The following MON2 variants were observed in gnomAD, a reference collection of about 807,000 sequenced individuals.
The protein encoded by MON2 is MON2 regulator of endosome-to-Golgi trafficking.
A neutral mutation model predicts 208.6 loss-of-function variants in MON2; 84 were observed. The observed-to-expected ratio is 0.40, with a 90% confidence interval of 0.34 to 0.48. The LOEUF (loss-of-function observed/expected upper bound fraction) is 0.48, where lower values mean the gene tolerates loss of function less well. Among genes scored for constraint, MON2 ranks in the 20% least tolerant of loss-of-function variants. The pLI, the probability that MON2 is intolerant of heterozygous loss-of-function variation, is 0.59. For missense variants in MON2, 1,611 were observed against 2,015.4 expected, an observed-to-expected ratio of 0.80 and a Z score of 3.84; for synonymous variants, 660 against 694.0, an observed-to-expected ratio of 0.95 and a Z score of 0.77.
chr12:62,494,079 TTGAATCAGAAG>T, intron 3 of MON2, 37 bp downstream of exon 3: 2 of 1,568,686 alleles, frequency 1.3e-6, no homozygotes, highest in Non-Finnish European at 1.7e-6. Context: ...CACCTAAGAG[TTGAATCAGAAG>T]TTTTCATGAA....
intron 12 of MON2, 41 bp from the exon 13 acceptor site, chr12:62,534,803 TC>T (rs1447558435): frequency 7.1e-7 from 1 of 1,405,884 alleles, no homozygotes; most frequent in Non-Finnish European, 1.0e-6. Context: ...TATTGTGCTA[TC>T]TATAATTAAA....
At chr12:62,550,553 G>C (rs1481700260) in intron 23 of MON2, among the ~76,000 whole-genome samples, 2 of 152,126 alleles carry the variant, frequency 1.3e-5, no homozygotes, top group East Asian at 3.9e-4. Context: ...TAAAAAGGCT[G>C]TTTTGTCTAC....
chr12:62,490,843 C>A (rs2136033461), intron 2 of MON2, among the ~76,000 whole-genome samples: 1 of 152,208 alleles, frequency 6.6e-6, no homozygotes, highest in Non-Finnish European at 1.5e-5. Context: ...AAATTAATTT[C>A]TATTACTATC....
At chr12:62,565,160 T>A in intron 26 of MON2, 77 bp from the exon 27 acceptor site, 1 of 1,408,846 alleles carries the variant, frequency 7.1e-7, no homozygotes, top group South Asian at 1.3e-5. Context: ...ATTCTGTGGT[T>A]AAACAAATAT....
Position 62,467,165 on chromosome 12 carries a change from C to T in MON2, c.-43C>T, listed in dbSNP as rs2068555460. ...CCCTAAGGAGCTGACCGTGCCAGAG[C>T]TTGTTTGTACCTCTCGGAAATTGGC... On this transcript the variant is annotated 5_prime_UTR_variant, in exon 1 of 35. Transcript: ENST00000393630. The T allele has an allele frequency of 1.9e-6, 3 of 1,558,840 alleles. No individual in the cohort carries two copies. In the Admixed American group the frequency reaches 5.0e-5, roughly 26 times the overall value.
chr12:62,516,290 G>A (rs1485308109), intron 8 of MON2, among the ~76,000 whole-genome samples: 1 of 152,102 alleles, frequency 6.6e-6, no homozygotes, highest in Non-Finnish European at 1.5e-5. Context: ...TGGTGGAGAT[G>A]GGGAGCAGGG....
chr12:62,539,317 G>A (rs1478307589), intron 19 of MON2, among the ~76,000 whole-genome samples: 1 of 150,944 alleles, frequency 6.6e-6, no homozygotes, highest in African/African-American at 2.4e-5. Flanking sequence ...GCCCAGGCTA[G>A]AGTGCAGTGG....
intron 32 of MON2, among the ~76,000 whole-genome samples, chr12:62,581,383 C>T (rs966551594): frequency 2.6e-5 from 4 of 152,124 alleles, no homozygotes; most frequent in Non-Finnish European, 5.9e-5. Context: ...GAGACTGCCT[C>T]TGTCTCTACA....
In MON2 at chr12:62,588,113, C is replaced by A; in HGVS notation, c.4947C>A (p.Val1649=). 6.3e-7 allele frequency: 1 copy of A among 1,584,110 alleles called. No homozygotes were observed. The highest frequency in any genetic ancestry group is 1.1e-5 in the South Asian group (1 of 89,638). ...AAATTATATTTGTTTTAAAAGCAGT[C>A]AGTACTCTTATTGATTCACTTAAGA... The part of the protein sequence containing the change: ...VTEIIFVLKA[V]STLIDSLKKT... The change falls in exon 34 of 35, where the codon GTC becomes GTA. Residue 1649 remains valine (V), a synonymous_variant. Transcript: ENST00000393630.
intron 2 of MON2, chr12:62,484,935 T>TTTTTTTTTTTTTTTTC (rs2069675267): frequency 8.8e-6 from 1 of 113,232 alleles, no homozygotes; most frequent in Non-Finnish European, 1.8e-5. Flanking sequence ...TTTTTTTTTT[T>TTTTTTTTTTTTTTTTC]AAGAATCTGT....
rs1215873506 is a variant in MON2 at position 62,587,688 on chromosome 12, G to A, written c.4908-386G>A. 3.3e-5 allele frequency among the ~76,000 whole-genome samples: 5 copies of A among 152,070 alleles called. No homozygotes were observed. The East Asian group carries it at 7.7e-4, about 23-fold the overall frequency. On this transcript the variant is annotated intron_variant, in intron 33 of 34. Transcript: ENST00000393630. ...GCGCAAGTCAAGGCTGCAGTGAGCT[G>A]TGATCTCACCATTGCACTCCAGTCT...
At chr12:62,486,470 G>C (rs1402775878) in intron 2 of MON2, among the ~76,000 whole-genome samples, 1 of 152,050 alleles carries the variant, frequency 6.6e-6, no homozygotes, top group African/African-American at 2.4e-5. Flanking sequence ...TAATAGTCAT[G>C]TTTTAATCTT....
intron 27 of MON2, 130 bp downstream of exon 27, chr12:62,565,510 C>G (rs2074347512): frequency 2.5e-6 from 2 of 805,038 alleles, no homozygotes; most frequent in Non-Finnish European, 3.8e-6. Flanking sequence ...TTATACATGT[C>G]TGTTAGCAGT....
chr12:62,566,111 GTA>G (rs759137616), intron 28 of MON2, 80 bp downstream of exon 28: 23 of 1,452,330 alleles, frequency 1.6e-5, no homozygotes, highest in Non-Finnish European at 2.1e-5. Flanking sequence ...GTAGAATGCT[GTA>G]TGTGCTTTTT....
In MON2 at chr12:62,530,227, ATT is replaced by A. The variant is rs144345618; in HGVS notation, c.1401-2191_1401-2190del. Among the ~76,000 whole-genome samples, 159 of 126,212 alleles carry A rather than the reference ATT, an allele frequency of 1.3e-3. 1 individual carries two copies. The highest frequency in any genetic ancestry group is 4.3e-3 in the African/African-American group (139 of 32,054). 82.8% of individuals were successfully genotyped at this position (126,212 alleles called of 152,430 possible). On this transcript the variant is annotated intron_variant, in intron 11 of 34. Transcript: ENST00000393630. ...CTTTTTTAGCTCCCACATCAGTATA[ATT>A]TTTTTTTTTTTTTTTTTTTGAGACG...
intron 12 of MON2, among the ~76,000 whole-genome samples, chr12:62,532,901 G>T (rs1182617747): frequency 3.3e-5 from 5 of 152,094 alleles, no homozygotes; most frequent in Admixed American, 2.6e-4. Context: ...GCATCAGTGT[G>T]TATTTTTTCA....
At chr12:62,561,253 A>G (rs2074187091) in intron 26 of MON2, 140 bp downstream of exon 26, 2 of 652,648 alleles carry the variant, frequency 3.1e-6, no homozygotes, top group East Asian at 5.9e-5. Context: ...GAGGATTGTC[A>G]AGATCTAGGT....
At position 62,532,631 on chromosome 12, in the gene MON2, G is replaced by A. The variant is rs756566882; in HGVS notation, c.1594G>A (p.Asp532Asn). ...SSPTQSTEQQ[D>N]LQSTSDQMDK... ...ACCAACACAGTCGACAGAACAGCAGGATTTACAGTCAACATCAGACCAAAT... is the reference window on the plus strand; with the variant it reads ...ACCAACACAGTCGACAGAACAGCAGAATTTACAGTCAACATCAGACCAAAT... The change falls in exon 12 of 35, where the codon GAT becomes AAT. Residue 532 changes from aspartate to asparagine, a missense_variant. Physicochemically the swap from Asp to Asn is conservative, Grantham distance 23. Coordinates refer to ENST00000393630, the MANE Select transcript of MON2 (RefSeq NM_015026.3). 9.3e-6 allele frequency: 15 copies of A among 1,613,784 alleles called. No homozygotes were observed. Among genetic ancestry groups the A allele is most frequent in the South Asian group, 1.1e-5 (1 of 91,072 alleles).
chr12:62,530,078 A>C (rs192417701), intron 11 of MON2, among the ~76,000 whole-genome samples: 55 of 152,138 alleles, frequency 3.6e-4, no homozygotes, highest in African/African-American at 1.3e-3. Context: ...TTAGATGCTA[A>C]ATTTTATTCC....
Sources: gnomAD v4.1 joint callset for allele counts (sites outside exome capture counted in the v4.1 genomes callset) on GRCh38, gnomAD v4.1.1 for gene constraint, MANE v1.5 for transcripts, NCBI Gene and HGNC (gene_info 2026-07-23, HGNC 2026-07-21) for gene names.